The following CTNND2 variants were observed in gnomAD, a reference collection of about 807,000 sequenced individuals.
The protein encoded by CTNND2 is catenin delta-2.
A neutral mutation model predicts 144.4 loss-of-function variants in CTNND2; 22 were observed. The observed-to-expected ratio is 0.15, with a 90% CI of 0.11 to 0.22. The LOEUF is 0.22. CTNND2 is among the 10% of genes least tolerant of loss of function. The pLI is 1.00. For missense variants in CTNND2, 1,353 were observed against 1,618.8 expected (o/e 0.84, Z 2.82); for synonymous variants, 751 against 695.6 (o/e 1.08, Z -1.25).
At chr5:10,979,025 A>G (rs61752676) in intron 21 of CTNND2, among the ~76,000 whole-genome samples, 11 of 152,112 alleles carry the variant, frequency 7.2e-5, no homozygotes, top group Middle Eastern at 3.4e-3. Context: ...TTCAATGCCA[A>G]CTCCCGGGGA....
chr5:11,247,994 G>T (rs1460189871), intron 9 of CTNND2, among the ~76,000 whole-genome samples: 1 of 152,122 alleles, frequency 6.6e-6, no homozygotes, highest in African/African-American at 2.4e-5. Context: ...CTGTCTGGTG[G>T]TAACAGCCCA....
In CTNND2 at chr5:11,168,935, C is replaced by T. The variant is rs188513632; in HGVS notation, c.1976-9176G>A. 3.9e-5 allele frequency among the ~76,000 whole-genome samples: 6 copies of T among 152,174 alleles called. 1 individual carries two copies. The highest frequency in any genetic ancestry group is 2.0e-4 in the Admixed American group (3 of 15,288). On this transcript the variant is annotated intron_variant, in intron 11 of 21. Transcript: ENST00000304623. ...CCATAATTTTTGGCCCTGGGTTAAA[C>T]GATACTGGGACAGATACATTTTCCT...
chr5:11,246,334 G>A (rs1036297510), intron 9 of CTNND2, among the ~76,000 whole-genome samples: 2 of 152,152 alleles, frequency 1.3e-5, no homozygotes, highest in Non-Finnish European at 2.9e-5. Flanking sequence ...ATTGAGGTAA[G>A]GATGGAAATG....
intron 3 of CTNND2, among the ~76,000 whole-genome samples, chr5:11,432,293 G>A (rs570118714): frequency 2.6e-4 from 35 of 135,618 alleles, no homozygotes; most frequent in Admixed American, 6.2e-4. Flanking sequence ...AAAAAAAAAA[G>A]AGACCCAAAT....
intron 14 of CTNND2, among the ~76,000 whole-genome samples, chr5:11,108,641 C>G (rs893409979): frequency 2.6e-5 from 4 of 152,130 alleles, no homozygotes; most frequent in African/African-American, 7.2e-5. Flanking sequence ...AATTAAATAA[C>G]TTTAAATTGA....
chr5:11,864,837 AT>A (rs1317216342), intron 1 of CTNND2, among the ~76,000 whole-genome samples: 1 of 150,350 alleles, frequency 6.7e-6, no homozygotes, highest in African/African-American at 2.5e-5. Flanking sequence ...TCTACAGTGA[AT>A]CACAAACCTG....
intron 3 of CTNND2, among the ~76,000 whole-genome samples, chr5:11,536,877 T>TA (rs1197436430): frequency 6.6e-6 from 1 of 152,004 alleles, no homozygotes; most frequent in Admixed American, 6.6e-5. Context: ...CCTATTGAAA[T>TA]AAAAAATAAT....
At chr5:11,366,184 A>G (rs1012021388) in intron 7 of CTNND2, among the ~76,000 whole-genome samples, 1 of 152,262 alleles carries the variant, frequency 6.6e-6, no homozygotes, top group African/African-American at 2.4e-5. Flanking sequence ...TGTCAGGAAC[A>G]TATAAACTCA....
intron 1 of CTNND2, among the ~76,000 whole-genome samples, chr5:11,862,488 C>T (rs1795548154): frequency 6.6e-6 from 1 of 152,232 alleles, no homozygotes; most frequent in South Asian, 2.1e-4. Context: ...AAGACTTCTT[C>T]CCAAAAGTAC....
chr5:11,825,983 A>C (rs2126951484), intron 1 of CTNND2, among the ~76,000 whole-genome samples: 1 of 152,212 alleles, frequency 6.6e-6, no homozygotes, highest in Non-Finnish European at 1.5e-5. Flanking sequence ...ATGCAACGTA[A>C]GGCATAATAA....
intron 9 of CTNND2, among the ~76,000 whole-genome samples, chr5:11,237,171 C>T (rs1741743440): frequency 6.6e-6 from 1 of 152,052 alleles, no homozygotes; most frequent in Non-Finnish European, 1.5e-5. Flanking sequence ...AGGCACCCAC[C>T]ACCACGCCTG....
chr5:11,331,126 A>C (rs1232977923), intron 9 of CTNND2, among the ~76,000 whole-genome samples: 1 of 152,210 alleles, frequency 6.6e-6, no homozygotes, highest in East Asian at 1.9e-4. Flanking sequence ...CATAGATGTT[A>C]ATTGCCACTT....
intron 1 of CTNND2, among the ~76,000 whole-genome samples, chr5:11,739,601 G>C (rs1389860198): frequency 6.6e-6 from 1 of 152,080 alleles, no homozygotes; most frequent in Non-Finnish European, 1.5e-5. Flanking sequence ...CACTGAATGG[G>C]CAAAAACTGG....
chr5:11,651,578 C>T (rs560290299), intron 2 of CTNND2, among the ~76,000 whole-genome samples: 1 of 152,336 alleles, frequency 6.6e-6, no homozygotes, highest in African/African-American at 2.4e-5. Context: ...CCTTGAAAAG[C>T]CATAGGCATG....
intron 3 of CTNND2, among the ~76,000 whole-genome samples, chr5:11,461,153 A>G (rs1171568905): frequency 2.0e-5 from 3 of 152,044 alleles, no homozygotes; most frequent in Non-Finnish European, 4.4e-5. Flanking sequence ...TCATGAAGGC[A>G]GGGACTTTGT....
intron 2 of CTNND2, among the ~76,000 whole-genome samples, chr5:11,662,425 A>G (rs1581687009): frequency 6.6e-6 from 1 of 151,808 alleles, no homozygotes; most frequent in Admixed American, 6.6e-5. Context: ...CTTGGAGTCC[A>G]ATGTTTGAGG....
chr5:11,763,128 G>A (rs544563438), intron 1 of CTNND2, among the ~76,000 whole-genome samples: 4 of 152,232 alleles, frequency 2.6e-5, no homozygotes, highest in Admixed American at 6.5e-5. Context: ...TGCTGGCCAT[G>A]TGAAGATGGT....
At chr5:11,560,020 C>T (rs932550569) in intron 3 of CTNND2, among the ~76,000 whole-genome samples, 1 of 152,172 alleles carries the variant, frequency 6.6e-6, no homozygotes, top group Non-Finnish European at 1.5e-5. Context: ...GACTCCTCCA[C>T]GTCCTTGCAA....
At chr5:11,176,774 CTG>C (rs1172210350) in intron 11 of CTNND2, among the ~76,000 whole-genome samples, 1 of 152,136 alleles carries the variant, frequency 6.6e-6, no homozygotes, top group Non-Finnish European at 1.5e-5. Context: ...CATAACCTGA[CTG>C]TGCTCACCCC....
Sources: gnomAD v4.1 joint callset for allele counts (sites outside exome capture counted in the v4.1 genomes callset) on GRCh38, gnomAD v4.1.1 for gene constraint, MANE v1.5 for transcripts, NCBI Gene and HGNC (gene_info 2026-07-23, HGNC 2026-07-21) for gene names.